The following PCDHA5 variants were observed in gnomAD, a reference collection of about 807,000 sequenced individuals.
PCDHA5 encodes protocadherin alpha-5.
A neutral mutation model predicts 61.6 loss-of-function variants in PCDHA5; 43 were observed. The ratio of observed to expected loss-of-function variants is 0.70; its 90% confidence interval spans 0.55 to 0.90. The LOEUF (loss-of-function observed/expected upper bound fraction) is 0.90. Ranked by LOEUF, PCDHA5 falls within the 40% of genes least tolerant of loss-of-function variation. The probability of loss-of-function intolerance (pLI) is 0.00; values close to 1 mark genes in which losing one functional copy is unlikely to be tolerated. For missense variants in PCDHA5, 1,298 were observed against 1,222.7 expected (o/e 1.06, Z -0.92); for synonymous variants, 627 against 543.9 (o/e 1.15, Z -2.13).
At chr5:140,952,746 T>C (rs1554220596) in intron 1 of PCDHA5, among the ~76,000 whole-genome samples, 1 of 152,190 alleles carries the variant, frequency 6.6e-6, no homozygotes, top group Non-Finnish European at 1.5e-5. Context: ...CACACTGCTA[T>C]AAAAACACCT....
chr5:140,983,363 C>A (rs574253600), intron 3 of PCDHA5, among the ~76,000 whole-genome samples: 33 of 152,290 alleles, frequency 2.2e-4, no homozygotes, highest in African/African-American at 7.9e-4. Context: ...AGAAATATGG[C>A]TTTGGAGGCC....
chr5:140,995,918 G>A (rs1303145667), intron 3 of PCDHA5, among the ~76,000 whole-genome samples: 1 of 152,180 alleles, frequency 6.6e-6, no homozygotes, highest in Non-Finnish European at 1.5e-5. Flanking sequence ...GAGACCATAG[G>A]CTGTTGTAAG....
At position 140,928,998 on chromosome 5, in the gene PCDHA5, C is replaced by G. The variant is rs1448389331; in HGVS notation, c.2353-49951C>G. On this transcript the variant is annotated intron_variant, in intron 1 of 3. Coordinates refer to ENST00000529859, the MANE Select transcript of PCDHA5 (RefSeq NM_018908.3). The stretch of plus-strand genomic sequence containing the variant: ...TATTTCTGGGGTGCTTACTTTTCTT[C>G]GTGTGTACCAAGTTGCACCAGAGCC... The G allele has an allele frequency of 8.1e-6, 13 of 1,613,784 alleles. No individual in the cohort carries two copies. The Admixed American group carries it at 2.2e-4, about 27-fold the overall frequency.
In PCDHA5 at chr5:140,846,979, A is replaced by G. The variant is rs2150396342; in HGVS notation, c.2352+22852A>G. On this transcript the variant is annotated intron_variant, in intron 1 of 3. Transcript: ENST00000529859. ...GTGTTTCAGTGGTTTTAAAATAAGT[A>G]AGTTCCCCCCGGGAGAATATTGAGA... Among the ~76,000 whole-genome samples, 3 of 149,618 alleles carry G rather than the reference A, an allele frequency of 2.0e-5. 1 individual carries two copies. The highest frequency in any genetic ancestry group is 3.0e-5 in the Non-Finnish European group (2 of 66,912).
At chr5:140,870,890 T>A in intron 1 of PCDHA5, 2 of 1,613,954 alleles carry the variant, frequency 1.2e-6, no homozygotes, top group East Asian at 4.5e-5. Flanking sequence ...GTGCGCGCAG[T>A]GGATGCGGAC....
Position 140,857,175 on chromosome 5 carries a change from A to G in PCDHA5, c.2352+33048A>G, listed in dbSNP as rs149086377. ...ATTGCCCTAATCAGCGTTTCTGACC[A>G]TGATTCAGGAGCCAACGGACAGGTC... On this transcript the variant is annotated intron_variant, in intron 1 of 3. Transcript: ENST00000529859. 1.1e-5 allele frequency: 18 copies of G among 1,598,338 alleles called. No homozygotes were observed. The African/African-American group carries it at 1.3e-4, about 12-fold the overall frequency.
chr5:140,835,821 G>C (rs2150245813), intron 1 of PCDHA5: 5 of 1,612,596 alleles, frequency 3.1e-6, no homozygotes, highest in Admixed American at 1.7e-5. Context: ...TGTGTCGGCG[G>C]GGGACGCGGA....
chr5:140,853,351 C>T, intron 1 of PCDHA5: 1 of 982,872 alleles, frequency 1.0e-6, no homozygotes, highest in Non-Finnish European at 1.2e-6. Context: ...CAAACATGAA[C>T]TCACAGGGAT....
intron 3 of PCDHA5, among the ~76,000 whole-genome samples, chr5:140,984,534 G>C (rs1261585417): frequency 6.6e-6 from 1 of 152,136 alleles, no homozygotes; most frequent in Non-Finnish European, 1.5e-5. Context: ...TTCATGGACT[G>C]TGCTGGATAG....
chr5:140,889,037 A>G (rs2062077417), intron 1 of PCDHA5, among the ~76,000 whole-genome samples: 1 of 151,994 alleles, frequency 6.6e-6, no homozygotes, highest in Non-Finnish European at 1.5e-5. Context: ...CCGTAATTTG[A>G]TTATAATTTA....
chr5:140,826,761 T>G (rs1014427871), intron 1 of PCDHA5, among the ~76,000 whole-genome samples: 16 of 152,150 alleles, frequency 1.1e-4, no homozygotes, highest in Admixed American at 5.9e-4. Context: ...AGATTCATAT[T>G]GGAGAGTAAT....
chr5:140,969,214 A>G (rs906572071), intron 1 of PCDHA5: 5 of 1,614,194 alleles, frequency 3.1e-6, no homozygotes, highest in Non-Finnish European at 4.2e-6. Context: ...CCCAGACAGG[A>G]CCAGGGCCTT....
intron 3 of PCDHA5, among the ~76,000 whole-genome samples, chr5:140,997,321 T>C (rs964967011): frequency 1.3e-5 from 2 of 152,174 alleles, no homozygotes; most frequent in Non-Finnish European, 2.9e-5. Flanking sequence ...CTTTAGGCAG[T>C]TTTTTCGTTG....
chr5:140,841,385 G>A, intron 1 of PCDHA5: 1 of 1,613,440 alleles, frequency 6.2e-7, no homozygotes, highest in Non-Finnish European at 8.5e-7. Flanking sequence ...TCTGCTCCTC[G>A]CAGCCTGGAA....
intron 1 of PCDHA5, chr5:140,967,400 C>T: frequency 6.2e-7 from 1 of 1,611,718 alleles, no homozygotes; most frequent in South Asian, 1.1e-5. Context: ...GCTGGTGCTG[C>T]GTAAGGGCCT....
intron 1 of PCDHA5, chr5:140,966,895 G>T: frequency 6.3e-7 from 1 of 1,596,682 alleles, no homozygotes. Flanking sequence ...CGGCCTCCCA[G>T]CTGCGATACT....
Position 140,857,895 on chromosome 5 carries a change from G to C in PCDHA5, c.2352+33768G>C. 1.3e-6 allele frequency: 2 copies of C among 1,597,868 alleles called. 1 individual carries two copies. The highest frequency in any genetic ancestry group is 2.2e-5 in the South Asian group (2 of 90,498). ...TATGAATTGCAGTCGGCGGCGGTTG[G>C]TGCACGCATCCCGTTTCGCGTGGGG... On this transcript the variant is annotated intron_variant, in intron 1 of 3. Coordinates refer to ENST00000529859, the MANE Select transcript of PCDHA5 (RefSeq NM_018908.3).
At chr5:140,945,200 A>G (rs2093757745) in intron 1 of PCDHA5, among the ~76,000 whole-genome samples, 1 of 152,168 alleles carries the variant, frequency 6.6e-6, no homozygotes, top group South Asian at 2.1e-4. Context: ...GCTATTTACA[A>G]TAGCTATGAG....
rs2150165886 is a variant in PCDHA5 at position 140,829,324 on chromosome 5, T to C, written c.2352+5197T>C. 2.5e-4 allele frequency: 408 copies of C among 1,614,140 alleles called. 1 individual carries two copies. Among genetic ancestry groups the C allele is most frequent in the African/African-American group, 5.3e-4 (40 of 75,068 alleles). ...ATTACTACTCGTTGGTGCTGGACAG[T>C]GCCCTGGACCGCGAGAGCGTGTCGG... On this transcript the variant is annotated intron_variant, in intron 1 of 3. Transcript: ENST00000529859.
Sources: gnomAD v4.1 joint callset for allele counts (sites outside exome capture counted in the v4.1 genomes callset) on GRCh38, gnomAD v4.1.1 for gene constraint, MANE v1.5 for transcripts, NCBI Gene and HGNC (gene_info 2026-07-23, HGNC 2026-07-21) for gene names.